Variants in FOXN3 observed in about 807,000 individuals in gnomAD.
FOXN3 encodes the protein forkhead box N3.
FOXN3 carries 7 observed loss-of-function variants against 38.4 expected under a neutral mutation model. The observed-to-expected ratio is 0.18, with a 90% CI of 0.10 to 0.34. The LOEUF is 0.34. FOXN3 is among the 10% of genes least tolerant of loss of function. The pLI is 1.00. For synonymous variants in FOXN3, 230 were observed against 242.2 expected (o/e 0.95, Z 0.47); for missense variants, 456 against 613.4 (o/e 0.74, Z 2.71).
chr14:89,244,071 T>C (rs901644792), intron 4 of FOXN3, among the ~76,000 whole-genome samples: 7 of 152,182 alleles, frequency 4.6e-5, no homozygotes, highest in Non-Finnish European at 1.0e-4. Context: ...ACCCAACTCT[T>C]AGTCAACTAG....
Position 89,159,460 on chromosome 14 carries a change from T to C in FOXN3, c.*2954A>G, listed in dbSNP as rs1357088502. On this transcript the variant is annotated 3_prime_UTR_variant, in exon 6 of 6. Transcript: ENST00000557258. ...GGTATTTATGCAAAAAGAGTGGTTC[T>C]GGAGTTAAGAACACACTTTTATATT... 2.0e-5 allele frequency: 3 copies of C among 152,680 alleles called. No individual in the cohort carries two copies. Among genetic ancestry groups the C allele is most frequent in the Admixed American group, 6.5e-5 (1 of 15,284 alleles). The allele number at this position is 152,680 out of a possible 1,614,324, so 9.5% of individuals were successfully genotyped here. A position where few individuals can be genotyped will look rare whatever the true frequency, so the allele number is the denominator to read the frequency against.
intron 1 of FOXN3, among the ~76,000 whole-genome samples, chr14:89,578,442 T>G (rs11159912): frequency 0.083 from 12,611 of 152,150 alleles, 1,278 homozygotes; most frequent in African/African-American, 0.23. Flanking sequence ...TACATGCTAA[T>G]AACTCAAATT....
At chr14:89,595,856 C>A (rs940584219) in intron 1 of FOXN3, among the ~76,000 whole-genome samples, 1 of 152,144 alleles carries the variant, frequency 6.6e-6, no homozygotes, top group Non-Finnish European at 1.5e-5. Context: ...ATATATGCTT[C>A]TTACAGTAAG....
intron 5 of FOXN3, among the ~76,000 whole-genome samples, chr14:89,171,552 A>C (rs1429952268): frequency 6.6e-6 from 1 of 152,204 alleles, no homozygotes; most frequent in Non-Finnish European, 1.5e-5. Flanking sequence ...AAAAAAAAGT[A>C]TCATAAGCAA....
At chr14:89,517,454 A>G (rs759986133) in intron 1 of FOXN3, among the ~76,000 whole-genome samples, 1 of 152,178 alleles carries the variant, frequency 6.6e-6, no homozygotes, top group Non-Finnish European at 1.5e-5. Flanking sequence ...GAAACTTTCA[A>G]TCATGGCCGA....
intron 1 of FOXN3, among the ~76,000 whole-genome samples, chr14:89,589,082 G>C (rs1895902466): frequency 2.0e-5 from 3 of 152,076 alleles, no homozygotes. Flanking sequence ...TATAAACCAA[G>C]TCAAGGTCGG....
At chr14:89,417,647 T>G (rs1017761404), upstream of FOXN3, 4 of 455,392 alleles carry the variant, frequency 8.8e-6, no homozygotes, top group South Asian at 1.5e-5. Context: ...ATGCCTTACA[T>G]GGCTCGAAAG....
At chr14:89,234,266 T>A (rs943871263) in intron 4 of FOXN3, among the ~76,000 whole-genome samples, 10 of 152,206 alleles carry the variant, frequency 6.6e-5, no homozygotes, top group Admixed American at 1.3e-4. Context: ...ATGACCATAG[T>A]TCTGGAGGCT....
chr14:89,244,792 A>G lies in FOXN3; in HGVS notation c.745+36158T>C, dbSNP rs150081838. On this transcript the variant is annotated intron_variant, in intron 4 of 5. Coordinates refer to ENST00000557258, the MANE Select transcript of FOXN3 (RefSeq NM_005197.4). ...CAGTGTCAGTTTCTGGAGAGAGGCT[A>G]CAGCACGATGATAAAATGTTCAAGC... 2.0e-5 allele frequency among the ~76,000 whole-genome samples: 3 copies of G among 152,352 alleles called. No individual in the cohort carries two copies. The East Asian group carries it at 5.8e-4, about 29-fold the overall frequency.
intron 4 of FOXN3, among the ~76,000 whole-genome samples, chr14:89,230,002 C>A (rs1884761362): frequency 6.6e-6 from 1 of 152,162 alleles, no homozygotes. Flanking sequence ...AGACAGGGTA[C>A]AACACCACTG....
intron 1 of FOXN3, among the ~76,000 whole-genome samples, chr14:89,549,898 T>C (rs1393818045): frequency 2.0e-5 from 3 of 152,188 alleles, no homozygotes; most frequent in Admixed American, 2.0e-4. Context: ...GATGGGAGTT[T>C]CAGACTGTGA....
chr14:89,570,278 C>A (rs1299731273), intron 1 of FOXN3, among the ~76,000 whole-genome samples: 1 of 152,124 alleles, frequency 6.6e-6, no homozygotes. Flanking sequence ...GGATTACAGG[C>A]GTGAACCACC....
At chr14:89,527,382 T>C (rs974215108) in intron 1 of FOXN3, among the ~76,000 whole-genome samples, 2 of 152,338 alleles carry the variant, frequency 1.3e-5, no homozygotes, top group African/African-American at 4.8e-5. Context: ...TGGATAAATA[T>C]GACTTCAAAA....
At chr14:89,432,603 C>G (rs1024945235) in intron 1 of FOXN3, among the ~76,000 whole-genome samples, 2 of 152,146 alleles carry the variant, frequency 1.3e-5, no homozygotes, top group Admixed American at 6.5e-5. Flanking sequence ...AAGTGAAATG[C>G]AAACTTAAAG....
intron 3 of FOXN3, among the ~76,000 whole-genome samples, chr14:89,310,790 G>C (rs1887516015): frequency 6.6e-6 from 1 of 152,096 alleles, no homozygotes; most frequent in Admixed American, 6.6e-5. Flanking sequence ...CCTTTAGTTA[G>C]CATCTAGTTG....
At chr14:89,360,811 C>T (rs1445360797) in intron 2 of FOXN3, among the ~76,000 whole-genome samples, 1 of 113,406 alleles carries the variant, frequency 8.8e-6, no homozygotes, top group African/African-American at 4.4e-5. Flanking sequence ...TCCAGCACCA[C>T]CTCCACCACC....
chr14:89,246,838 C>T (rs370574190), intron 4 of FOXN3, among the ~76,000 whole-genome samples: 158 of 152,088 alleles, frequency 1.0e-3, no homozygotes, highest in African/African-American at 3.2e-3. Context: ...TGTGCCCAGC[C>T]GGATGCGGCT....
intron 1 of FOXN3, among the ~76,000 whole-genome samples, chr14:89,467,125 C>T (rs1329170526): frequency 6.6e-6 from 1 of 152,198 alleles, no homozygotes; most frequent in Non-Finnish European, 1.5e-5. Flanking sequence ...GGCAGCTGCA[C>T]ATCACACCCC....
At chr14:89,403,577 A>T (rs1235469320) in intron 2 of FOXN3, among the ~76,000 whole-genome samples, 1 of 152,260 alleles carries the variant, frequency 6.6e-6, no homozygotes, top group Non-Finnish European at 1.5e-5. Flanking sequence ...TCCTGCAGCC[A>T]AAATGATTTC....
Sources: allele counts gnomAD v4.1 joint callset (sites outside exome capture counted in the v4.1 genomes callset), GRCh38; gene constraint gnomAD v4.1.1; transcripts MANE v1.5; gene names NCBI Gene and HGNC (gene_info 2026-07-23, HGNC 2026-07-21).